Variants in MDGA2 observed in about 807,000 individuals in gnomAD.
MDGA2 encodes MAM domain containing glycosylphosphatidylinositol anchor 2.
MDGA2 carries 40 observed loss-of-function variants against 117.8 expected under a neutral mutation model. That is an observed-to-expected ratio of 0.34 (90% confidence interval 0.26 to 0.44). The LOEUF (loss-of-function observed/expected upper bound fraction) is 0.44, where lower values mean the gene tolerates loss of function less well. Ranked by LOEUF, MDGA2 falls within the 20% of genes least tolerant of loss-of-function variation. MDGA2 has a pLI of 1.00. For missense variants in MDGA2, 1,123 were observed against 1,250.6 expected (o/e 0.90, Z 1.54); for synonymous variants, 452 against 439.0 (o/e 1.03, Z -0.37).
intron 9 of MDGA2, among the ~76,000 whole-genome samples, chr14:46,927,660 C>T (rs74044921): frequency 0.058 from 8,761 of 152,046 alleles, 381 homozygotes; most frequent in South Asian, 0.12. Context: ...ATTTATAATC[C>T]AACTAAATCA....
At chr14:47,110,119 AAG>A (rs1318904623) in intron 5 of MDGA2, among the ~76,000 whole-genome samples, 1 of 152,136 alleles carries the variant, frequency 6.6e-6, no homozygotes, top group African/African-American at 2.4e-5. Flanking sequence ...TATTACTAAC[AAG>A]GAGATGGCAA....
intron 1 of MDGA2, among the ~76,000 whole-genome samples, chr14:47,620,139 A>G (rs1897023458): frequency 6.6e-6 from 1 of 152,266 alleles, no homozygotes; most frequent in Non-Finnish European, 1.5e-5. Context: ...TATGAAAACC[A>G]AGGCATCGAA....
chr14:47,527,630 T>C (rs1444645579), intron 1 of MDGA2, among the ~76,000 whole-genome samples: 1 of 152,148 alleles, frequency 6.6e-6, no homozygotes, highest in Non-Finnish European at 1.5e-5. Context: ...CTCTGAAGTC[T>C]GGAGCAAGAG....
At chr14:47,507,423 A>T (rs1291271340) in intron 1 of MDGA2, among the ~76,000 whole-genome samples, 1 of 152,222 alleles carries the variant, frequency 6.6e-6, no homozygotes, top group Non-Finnish European at 1.5e-5. Context: ...CATAAAAATA[A>T]ATTGGGAAAA....
chr14:47,437,014 A>T (rs1053320337), intron 1 of MDGA2, among the ~76,000 whole-genome samples: 5 of 152,120 alleles, frequency 3.3e-5, no homozygotes, highest in Non-Finnish European at 2.9e-5. Flanking sequence ...TCTCTCTCTA[A>T]CACCATACAA....
chr14:47,581,798 T>C (rs980245171), intron 1 of MDGA2, among the ~76,000 whole-genome samples: 2 of 151,992 alleles, frequency 1.3e-5, no homozygotes, highest in African/African-American at 2.4e-5. Flanking sequence ...TTTACCATTA[T>C]AAGTCTCTGA....
At chr14:47,652,417 G>GT in intron 1 of MDGA2, among the ~76,000 whole-genome samples, 1 of 152,126 alleles carries the variant, frequency 6.6e-6, no homozygotes, top group Middle Eastern at 3.4e-3. Flanking sequence ...AGCAATAAAA[G>GT]TATCAGAAAC....
At chr14:47,470,159 A>G (rs1893692997) in intron 1 of MDGA2, among the ~76,000 whole-genome samples, 1 of 151,282 alleles carries the variant, frequency 6.6e-6, no homozygotes, top group Non-Finnish European at 1.5e-5. Flanking sequence ...TTACAAGTGC[A>G]GAACGTGCAG....
intron 1 of MDGA2, among the ~76,000 whole-genome samples, chr14:47,331,729 T>A (rs1283659036): frequency 6.6e-6 from 1 of 151,974 alleles, no homozygotes; most frequent in African/African-American, 2.4e-5. Flanking sequence ...TATAATAGGA[T>A]TAATAAAGAC....
intron 1 of MDGA2, among the ~76,000 whole-genome samples, chr14:47,365,091 A>G (rs8006114): frequency 0.16 from 25,011 of 152,208 alleles, 2,313 homozygotes; most frequent in East Asian, 0.45. Context: ...ACACCCTTCA[A>G]TGGGATTGGG....
chr14:47,334,398 C>A (rs1467547343), intron 1 of MDGA2, among the ~76,000 whole-genome samples: 1 of 151,734 alleles, frequency 6.6e-6, no homozygotes, highest in Non-Finnish European at 1.5e-5. Context: ...AGTAAGGTAG[C>A]ATAGCTTTTA....
chr14:47,405,485 C>T (rs1043955464), intron 1 of MDGA2, among the ~76,000 whole-genome samples: 1 of 152,084 alleles, frequency 6.6e-6, no homozygotes, highest in Non-Finnish European at 1.5e-5. Flanking sequence ...TTGCCTGTTT[C>T]TCGAAGATAA....
intron 8 of MDGA2, among the ~76,000 whole-genome samples, chr14:47,027,157 G>A (rs1382770978): frequency 6.6e-6 from 1 of 151,326 alleles, no homozygotes; most frequent in Non-Finnish European, 1.5e-5. Flanking sequence ...CAGAGACCCT[G>A]TCTCAAAAAA....
chr14:47,210,773 C>T (rs542609106), intron 3 of MDGA2, among the ~76,000 whole-genome samples: 6 of 152,106 alleles, frequency 3.9e-5, no homozygotes, highest in Non-Finnish European at 7.4e-5. Flanking sequence ...AATCCCAACA[C>T]TTTGGGAGGC....
intron 8 of MDGA2, chr14:46,996,956 T>A: frequency 2.5e-6 from 1 of 396,484 alleles, no homozygotes; most frequent in South Asian, 2.3e-5. Flanking sequence ...GTAGGGAACT[T>A]TGGTGGGAAT....
rs1881249714 is a variant in MDGA2, at chr14:46,855,848, C to CATTT, written c.2753-698_2753-695dup. Among the ~76,000 whole-genome samples the CATTT allele has an allele frequency of 6.6e-6, 1 of 152,042 alleles. No homozygotes were observed. Among genetic ancestry groups the CATTT allele is most frequent in the African/African-American group, 2.4e-5 (1 of 41,396 alleles). ...CTCTAATTCTGTCGTCTTATATTAT[C>CATTT]ATTTAGCATCTTATTTTTTCAGTTT... is the stretch of plus-strand genomic sequence containing the variant. On this transcript the variant is annotated intron_variant, in intron 14 of 16. Transcript: ENST00000399232. The surrounding 1 kb of genome is among the most constrained non-coding windows in gnomAD (Gnocchi z 4.1).
chr14:47,501,747 A>G (rs1176328194), intron 1 of MDGA2, among the ~76,000 whole-genome samples: 1 of 152,150 alleles, frequency 6.6e-6, no homozygotes, highest in African/African-American at 2.4e-5. Context: ...GCTATCTACA[A>G]TCCAAGGAAC....
intron 11 of MDGA2, among the ~76,000 whole-genome samples, chr14:46,880,465 C>G (rs957172921): frequency 6.6e-6 from 1 of 151,960 alleles, no homozygotes; most frequent in Admixed American, 6.6e-5. Context: ...AAAATGCACA[C>G]AAATTTCAAT....
chr14:47,375,138 G>T (rs1891449381), intron 1 of MDGA2, among the ~76,000 whole-genome samples: 1 of 148,098 alleles, frequency 6.8e-6, no homozygotes. Flanking sequence ...CTACTTCCTA[G>T]TTCTTCAGAG....
Sources: gnomAD v4.1 joint callset for allele counts (sites outside exome capture counted in the v4.1 genomes callset) on GRCh38, gnomAD v4.1.1 for gene constraint, Gnocchi (gnomAD v3.1) non-coding constraint, MANE v1.5 for transcripts, NCBI Gene and HGNC (gene_info 2026-07-23, HGNC 2026-07-21) for gene names.